The following TRHDE variants were observed in gnomAD, a reference collection of about 807,000 sequenced individuals.
The protein encoded by TRHDE is thyrotropin-releasing hormone-degrading ectoenzyme.
In TRHDE, 72 loss-of-function variants were observed where a neutral mutation model predicts 125.7. The ratio of observed to expected loss-of-function variants is 0.57; its 90% CI spans 0.47 to 0.70. The LOEUF is 0.70. Ranked by LOEUF, TRHDE falls within the 30% of genes least tolerant of loss-of-function variation. TRHDE has a pLI of 0.00. For synonymous variants in TRHDE, 509 were observed against 509.1 expected, an observed-to-expected ratio of 1.00 and a Z score of 0.00; for missense variants, 1,110 against 1,327.1, an observed-to-expected ratio of 0.84 and a Z score of 2.54.
chr12:72,091,763 G>A (rs563373902), intron 1 of TRHDE, among the ~76,000 whole-genome samples: 2 of 152,126 alleles, frequency 1.3e-5, no homozygotes, highest in Admixed American at 6.5e-5. Flanking sequence ...GGGCAGTCAC[G>A]ACCCAGGCAC....
chr12:72,224,896 T>C (rs1256012002), intron 2 of TRHDE, among the ~76,000 whole-genome samples: 1 of 152,160 alleles, frequency 6.6e-6, no homozygotes, highest in East Asian at 1.9e-4. Flanking sequence ...ACCTCCCCTC[T>C]CTTTAAAATA....
At chr12:72,491,302 CCTGTTCGTAATTATTA>C (rs1877669935) in intron 5 of TRHDE, among the ~76,000 whole-genome samples, 1 of 151,776 alleles carries the variant, frequency 6.6e-6, no homozygotes. Context: ...AATTAGACAA[CCTGTTCGTAATTATTA>C]CTGTGATTGA....
rs376041595 is a variant in TRHDE at position 72,278,468 on chromosome 12, C to T, written c.914+4911C>T. 3.0e-4 allele frequency among the ~76,000 whole-genome samples: 45 copies of T among 152,204 alleles called. 1 individual carries two copies. The South Asian group carries it at 8.5e-3, about 29-fold the overall frequency. On this transcript the variant is annotated intron_variant, in intron 1 of 18. Transcript: ENST00000261180. ...ATATAATCCACCAGTAGTGGGATTG[C>T]CAGATCATATGGTAGTTCTATTTTT...
At chr12:72,640,984 T>A (rs956818103) in intron 15 of TRHDE, among the ~76,000 whole-genome samples, 5 of 152,244 alleles carry the variant, frequency 3.3e-5, no homozygotes, top group African/African-American at 1.2e-4. Context: ...TCAGTGTTAA[T>A]ACAATCACTA....
chr12:72,469,241 A>T (rs1876529775), intron 3 of TRHDE, among the ~76,000 whole-genome samples: 1 of 152,186 alleles, frequency 6.6e-6, no homozygotes, highest in East Asian at 1.9e-4. Context: ...TTTCCCTGTA[A>T]GATATATTTC....
At chr12:72,512,562 A>C (rs550149077) in intron 6 of TRHDE, among the ~76,000 whole-genome samples, 1 of 140,520 alleles carries the variant, frequency 7.1e-6, no homozygotes, top group African/African-American at 2.6e-5. Flanking sequence ...AATCATATAT[A>C]ATATAATATA....
At chr12:72,251,344 T>C (rs1878679827) in intron 2 of TRHDE, among the ~76,000 whole-genome samples, 1 of 151,878 alleles carries the variant, frequency 6.6e-6, no homozygotes, top group East Asian at 1.9e-4. Flanking sequence ...CTAATCATTT[T>C]CCCACTTCTG....
chr12:72,286,937 A>G lies in TRHDE; in HGVS notation c.1171A>G (p.Thr391Ala). The change falls in exon 2 of 19, where the codon ACC becomes GCC. Residue 391 changes from threonine to alanine, a missense_variant. Thr to Ala is a moderately conservative substitution (Grantham distance 58, BLOSUM62 0). Coordinates refer to ENST00000261180, the MANE Select transcript of TRHDE (RefSeq NM_013381.3). ...CAACTTCACATACAGAGAAACTACCACCAAGAGTGGGGTTGTAGTAAGTAT... is the reference window on the plus strand; with the variant it reads ...CAACTTCACATACAGAGAAACTACCGCCAAGAGTGGGGTTGTAGTAAGTAT... The part of the protein sequence containing the change: ...ICNFTYRETT[T>A]KSGVVVRLYA... 1.2e-6 allele frequency: 2 copies of G among 1,613,880 alleles called. No individual in the cohort carries two copies. The highest frequency in any genetic ancestry group is 1.7e-6 in the Non-Finnish European group (2 of 1,179,932).
Position 72,131,475 on chromosome 12 carries a change from T to C in TRHDE, n.279+25723T>C, listed in dbSNP as rs570651433. Among the ~76,000 whole-genome samples the C allele has an allele frequency of 4.6e-5, 7 of 152,232 alleles. No individual in the cohort carries two copies. In the East Asian group the frequency reaches 1.4e-3, roughly 29 times the overall value. ...TATTTTAAATTTGTTAATGAATAGATTTTTTTAAAATTATCCCCTTTTCCC... is the reference window on the plus strand; with the variant it reads ...TATTTTAAATTTGTTAATGAATAGACTTTTTTAAAATTATCCCCTTTTCCC... On this transcript the variant is annotated intron_variant and non_coding_transcript_variant, in intron 2 of 4. Coordinates refer to the TRHDE transcript ENST00000548156.
intron 2 of TRHDE, among the ~76,000 whole-genome samples, chr12:72,242,210 G>A (rs1878496005): frequency 6.6e-6 from 1 of 152,062 alleles, no homozygotes; most frequent in African/African-American, 2.4e-5. Flanking sequence ...CATAATCTTG[G>A]GTCATGAAGA....
chr12:72,105,683 A>G (rs947688598), exon 2 of TRHDE: 13 of 152,174 alleles, frequency 8.5e-5, no homozygotes, highest in Non-Finnish European at 2.9e-5. Flanking sequence ...TGTGGTCAAG[A>G]TCATACAGCT....
At chr12:72,504,482 T>C (rs1482484613) in intron 6 of TRHDE, among the ~76,000 whole-genome samples, 2 of 152,062 alleles carry the variant, frequency 1.3e-5, no homozygotes, top group Non-Finnish European at 2.9e-5. Flanking sequence ...TCTTGTATTT[T>C]TAGTAGAGAC....
intron 3 of TRHDE, among the ~76,000 whole-genome samples, chr12:72,401,314 G>A: frequency 1.3e-5 from 2 of 152,134 alleles, no homozygotes; most frequent in East Asian, 3.8e-4. Flanking sequence ...TGCTTAACAT[G>A]CATTATCTCA....
intron 6 of TRHDE, among the ~76,000 whole-genome samples, chr12:72,510,650 C>T (rs1416548286): frequency 2.0e-5 from 3 of 151,684 alleles, no homozygotes; most frequent in African/African-American, 4.8e-5. Context: ...GGTTTTCATT[C>T]CATGAATGAA....
At chr12:72,261,919 G>A (rs1469712223) in intron 2 of TRHDE, among the ~76,000 whole-genome samples, 1 of 152,058 alleles carries the variant, frequency 6.6e-6, no homozygotes, top group South Asian at 2.1e-4. Flanking sequence ...TGTACTCTGA[G>A]AAAGAACTGA....
chr12:72,185,617 T>G (rs1877191116), intron 2 of TRHDE, among the ~76,000 whole-genome samples: 1 of 151,116 alleles, frequency 6.6e-6, no homozygotes, highest in African/African-American at 2.4e-5. Context: ...CAATCTACAC[T>G]GTATCTAGCT....
chr12:72,522,143 G>A (rs1868262528), intron 6 of TRHDE, among the ~76,000 whole-genome samples: 2 of 152,142 alleles, frequency 1.3e-5, no homozygotes, highest in Admixed American at 6.6e-5. Flanking sequence ...GCCCAGCATT[G>A]CAGTTAGTAA....
At chr12:72,261,178 G>C (rs1449482275) in intron 2 of TRHDE, among the ~76,000 whole-genome samples, 1 of 152,168 alleles carries the variant, frequency 6.6e-6, no homozygotes, top group African/African-American at 2.4e-5. Context: ...GATTTTCTGA[G>C]AAAAAGTTAA....
In TRHDE at chr12:72,359,205, G is replaced by A. The variant is rs372963651; in HGVS notation, c.1189-18790G>A. Reference sequence around the variant, plus strand: ...GAAAAAAAAACATATCTGAAGAGAGGTGAAGAAAGCCTTCGAAAAATCCAA... The same window carrying A: ...GAAAAAAAAACATATCTGAAGAGAGATGAAGAAAGCCTTCGAAAAATCCAA... On this transcript the variant is annotated intron_variant, in intron 2 of 18. Transcript: ENST00000261180. 7.3e-5 allele frequency among the ~76,000 whole-genome samples: 11 copies of A among 150,990 alleles called. No individual in the cohort carries two copies. In the East Asian group the frequency reaches 2.2e-3, roughly 30 times the overall value.
Sources: allele counts gnomAD v4.1 joint callset (sites outside exome capture counted in the v4.1 genomes callset), GRCh38; gene constraint gnomAD v4.1.1; transcripts MANE v1.5; gene names NCBI Gene and HGNC (gene_info 2026-07-23, HGNC 2026-07-21).